The following DOCK3 variants were observed in gnomAD, a reference collection of about 807,000 sequenced individuals.
DOCK3 encodes the protein dedicator of cytokinesis protein 3.
In DOCK3, 60 loss-of-function variants were observed where a neutral mutation model predicts 265.6. The ratio of observed to expected loss-of-function variants is 0.23; its 90% CI spans 0.18 to 0.28. The LOEUF (loss-of-function observed/expected upper bound fraction) is 0.28. DOCK3 is among the 10% of genes least tolerant of loss of function. The pLI, the probability that DOCK3 is intolerant of heterozygous loss-of-function variation, is 1.00. For missense variants in DOCK3, 1,981 were observed against 2,594.3 expected, an observed-to-expected ratio of 0.76 and a Z score of 5.14; for synonymous variants, 881 against 938.0, an observed-to-expected ratio of 0.94 and a Z score of 1.11.
chr3:51,166,657 A>G (rs1167428421), intron 12 of DOCK3, among the ~76,000 whole-genome samples: 1 of 152,178 alleles, frequency 6.6e-6, no homozygotes. Context: ...CAGCCATCCT[A>G]AGAGATGTGA....
intron 1 of DOCK3, among the ~76,000 whole-genome samples, chr3:50,731,804 A>G (rs2038229837): frequency 6.6e-6 from 1 of 152,214 alleles, no homozygotes. Context: ...AAGCTTGGGA[A>G]AAAAACAATG....
rs372524349 is a variant in DOCK3 at position 51,174,471 on chromosome 3, A to AAAATAAAT, written c.1037+13792_1037+13799dup. ...GCCACAGAGCAAGACTCTTGTCTCA[A>AAAATAAAT]AAATAAATAAATAAATAAATAAATA... On this transcript the variant is annotated intron_variant, in intron 12 of 52. Coordinates refer to ENST00000266037, the MANE Select transcript of DOCK3 (RefSeq NM_004947.5). Among the ~76,000 whole-genome samples, 778 of 150,208 alleles carry AAAATAAAT rather than the reference A, an allele frequency of 5.2e-3. 7 individuals are homozygous for AAAATAAAT. Among genetic ancestry groups the AAAATAAAT allele is most frequent in the African/African-American group, 0.016 (667 of 40,494 alleles).
intron 9 of DOCK3, among the ~76,000 whole-genome samples, chr3:51,107,048 T>C (rs1023370666): frequency 6.6e-6 from 1 of 152,250 alleles, no homozygotes; most frequent in African/African-American, 2.4e-5. Context: ...CCAAGCTTGA[T>C]ATCAGTTTCC....
At chr3:51,347,570 C>T (rs1424868354) in intron 38 of DOCK3, among the ~76,000 whole-genome samples, 13 of 152,234 alleles carry the variant, frequency 8.5e-5, no homozygotes, top group South Asian at 8.3e-4. Flanking sequence ...AGTCAGGTAG[C>T]GTGATGCCTC....
intron 19 of DOCK3, among the ~76,000 whole-genome samples, chr3:51,235,505 G>A (rs577563743): frequency 6.6e-6 from 1 of 152,174 alleles, no homozygotes; most frequent in East Asian, 1.9e-4. Context: ...AGCATATGCA[G>A]AAGTATACAG....
intron 26 of DOCK3, chr3:51,278,354 A>G (rs964258249): frequency 3.6e-5 from 35 of 985,192 alleles, no homozygotes; most frequent in Non-Finnish European, 4.2e-5. Flanking sequence ...CCCCTCATGC[A>G]CCCCAACTCC....
chr3:51,067,427 T>TGTGTGTG (rs2081633377), intron 6 of DOCK3, among the ~76,000 whole-genome samples: 21 of 144,204 alleles, frequency 1.5e-4, no homozygotes, highest in African/African-American at 4.7e-4. Flanking sequence ...TGAAATATGT[T>TGTGTGTG]TGTGTGTGTG....
At chr3:50,741,088 G>A (rs1056778020) in intron 1 of DOCK3, among the ~76,000 whole-genome samples, 1 of 151,146 alleles carries the variant, frequency 6.6e-6, no homozygotes, top group African/African-American at 2.4e-5. Flanking sequence ...GTGTTTTCAC[G>A]GTTCTATATC....
intron 1 of DOCK3, among the ~76,000 whole-genome samples, chr3:50,772,065 G>A (rs1028347994): frequency 5.9e-5 from 9 of 152,148 alleles, no homozygotes; most frequent in African/African-American, 1.7e-4. Context: ...CAGATGAATG[G>A]ATAAAGAAAA....
chr3:51,072,585 T>C (rs1050474139), intron 6 of DOCK3, among the ~76,000 whole-genome samples: 2 of 151,938 alleles, frequency 1.3e-5, no homozygotes, highest in Admixed American at 1.3e-4. Context: ...ATTTTTGTGT[T>C]TTTAGTAGAG....
rs553447000 is a variant in DOCK3, at chr3:50,778,830, A to G, written c.121+72A>G. The stretch of plus-strand genomic sequence containing the variant: ...GTATTATATACATTTATTTTGTGCT[A>G]ATAAGATTATAAGCAATAATTCTGG... On this transcript the variant is annotated intron_variant, in intron 2 of 52. Transcript: ENST00000266037. 4 of 1,054,470 alleles carry G rather than the reference A, an allele frequency of 3.8e-6. No homozygotes were observed. The South Asian group carries it at 7.0e-5, about 18-fold the overall frequency. The allele number at this position is 1,054,470 out of a possible 1,614,324, so 65.3% of individuals were successfully genotyped here.
chr3:51,108,946 A>G (rs1038892180), intron 9 of DOCK3, among the ~76,000 whole-genome samples: 3 of 152,212 alleles, frequency 2.0e-5, no homozygotes, highest in African/African-American at 7.2e-5. Context: ...GGAGACTTCA[A>G]CACCCCACTT....
At chr3:51,368,550 G>A (rs1029881954) in intron 49 of DOCK3, among the ~76,000 whole-genome samples, 16 of 152,342 alleles carry the variant, frequency 1.1e-4, no homozygotes, top group East Asian at 1.9e-4. Flanking sequence ...TAAACAAAGC[G>A]GCTGGGAAGC....
chr3:51,041,181 TATATATATATATATATATATATA>T (rs1352737156), intron 5 of DOCK3, among the ~76,000 whole-genome samples: 48 of 13,276 alleles, frequency 3.6e-3, no homozygotes, highest in Non-Finnish European at 5.0e-3. Flanking sequence ...TATATATATA[TATATATATATATATATATATATA>T]TTTTTTTTTT....
chr3:51,153,732 G>A (rs2085720886), intron 10 of DOCK3, among the ~76,000 whole-genome samples: 1 of 152,126 alleles, frequency 6.6e-6, no homozygotes, highest in African/African-American at 2.4e-5. Flanking sequence ...ACTTAGAAAA[G>A]GTTTGGAAAT....
intron 2 of DOCK3, among the ~76,000 whole-genome samples, chr3:50,815,201 T>G (rs533530744): frequency 6.6e-6 from 1 of 152,358 alleles, no homozygotes; most frequent in East Asian, 1.9e-4. Flanking sequence ...CCAAACATAC[T>G]TCTTTCATTC....
intron 12 of DOCK3, among the ~76,000 whole-genome samples, chr3:51,200,764 C>A (rs1470236347): frequency 6.6e-6 from 1 of 151,798 alleles, no homozygotes; most frequent in African/African-American, 2.4e-5. Context: ...ATGTTAAGGG[C>A]AGCCAGAGAG....
At position 51,087,179 on chromosome 3, in the gene DOCK3, A is replaced by C. The variant is rs531497186; in HGVS notation, c.550-2064A>C. Among the ~76,000 whole-genome samples the C allele has an allele frequency of 3.3e-5, 5 of 152,340 alleles. No individual in the cohort carries two copies. The South Asian group carries it at 1.0e-3, about 32-fold the overall frequency. On this transcript the variant is annotated intron_variant, in intron 7 of 52. Transcript: ENST00000266037. ...GTAAGTCAGACAAGGACACAAGAAA[A>C]AAAAGATGGGCCAGTATCCTTGATG...
chr3:51,091,876 G>A (rs544301060), intron 9 of DOCK3, among the ~76,000 whole-genome samples: 17 of 152,042 alleles, frequency 1.1e-4, no homozygotes, highest in Non-Finnish European at 1.5e-4. Context: ...GCAGGGTGGC[G>A]CATTGCCTCA....
Sources: gnomAD v4.1 joint callset for allele counts (sites outside exome capture counted in the v4.1 genomes callset) on GRCh38, gnomAD v4.1.1 for gene constraint, MANE v1.5 for transcripts, NCBI Gene and HGNC (gene_info 2026-07-23, HGNC 2026-07-21) for gene names.